CCDC157: variants seen among roughly 807,000 people sequenced by gnomAD.
The protein encoded by CCDC157 is coiled-coil domain-containing protein 157.
In CCDC157, 60 loss-of-function variants were observed where a neutral mutation model predicts 70.9. The observed-to-expected ratio is 0.85, with a 90% CI of 0.69 to 1.05. CCDC157 has a LOEUF of 1.05. Among genes scored for constraint, CCDC157 ranks in the 50% least tolerant of loss-of-function variants. The pLI is 0.00. For synonymous variants in CCDC157, 373 were observed against 422.4 expected (o/e 0.88, Z 1.43); for missense variants, 943 against 984.2 (o/e 0.96, Z 0.56).
intron 3 of CCDC157, chr22:30,367,020 T>A (rs1932764306): frequency 6.7e-6 from 1 of 148,672 alleles, no homozygotes; most frequent in South Asian, 2.2e-4. Context: ...ATCACACCAA[T>A]GCACTCCAGC....
chr22:30,374,732 A>G (rs1389161567), intron 9 of CCDC157: 1 of 456,562 alleles, frequency 2.2e-6, no homozygotes, highest in Non-Finnish European at 4.4e-6. Context: ...TATTTCCCAT[A>G]GCAGGAAACT....
chr22:30,357,508 T>G (rs950697058), intron 1 of CCDC157, among the ~76,000 whole-genome samples: 33 of 151,986 alleles, frequency 2.2e-4, no homozygotes, highest in Admixed American at 1.6e-3. Flanking sequence ...TTGTCTTTCT[T>G]TTTTCTTTTT....
chr22:30,374,174 C>T (rs1342825480), intron 9 of CCDC157, 83 bp downstream of exon 9: 3 of 1,463,256 alleles, frequency 2.1e-6, no homozygotes, highest in Non-Finnish European at 9.2e-7. Context: ...ACACTGGGGA[C>T]TGCAGCTCCC....
At position 30,370,521 on chromosome 22, in the gene CCDC157, A is replaced by AC. The variant is rs1407084919; in HGVS notation, c.618dup (p.Arg207GlnfsTer9). 6.2e-7 allele frequency: 1 copy of AC among 1,613,930 alleles called. No homozygotes were observed. The highest frequency in any genetic ancestry group is 1.7e-5 in the Admixed American group (1 of 60,000). ...GTTCCCAGCCACGACCTTCAAGAAC[A>AC]CCAGGAGTGTCCACTCCCAGACCAT... On this transcript the variant is annotated frameshift_variant, in exon 5 of 12. Coordinates refer to ENST00000338306, the MANE Select transcript of CCDC157 (RefSeq NM_001017437.5). LOFTEE classifies it high-confidence loss of function.
intron 4 of CCDC157, chr22:30,369,851 T>C: frequency 2.2e-6 from 1 of 463,348 alleles, no homozygotes; most frequent in South Asian, 5.1e-5. Context: ...TCTTGCCTAC[T>C]TTGAACCGCA....
At chr22:30,356,911 GCGGCCGCGAAGGTA>G (rs1931909662), upstream of CCDC157, 5 of 908,532 alleles carry the variant, frequency 5.5e-6, no homozygotes, top group South Asian at 2.1e-4. Context: ...CGAGCGAGTT[GCGGCCGCGAAGGTA>G]CGACTGGCGC....
chr22:30,374,031 C>G lies in CCDC157; in HGVS notation c.1612C>G (p.Arg538Gly). Reference protein sequence around the residue: ...LERELEELKERERLLVAFPDL... With the variant: ...LERELEELKEGERLLVAFPDL... ...ACGGGAGCTGGAGGAGCTGAAGGAGCGGGAGCGGCTGCTGGTGGCCTTCCC... is the reference window on the plus strand; with the variant it reads ...ACGGGAGCTGGAGGAGCTGAAGGAGGGGGAGCGGCTGCTGGTGGCCTTCCC... Residue 538 changes from arginine to glycine, a missense_variant, in exon 9 of 12, where the codon CGG becomes GGG. Coordinates refer to ENST00000338306, the MANE Select transcript of CCDC157 (RefSeq NM_001017437.5). 1 of 1,609,610 alleles carries G rather than the reference C, an allele frequency of 6.2e-7. No homozygotes were observed. The highest frequency in any genetic ancestry group is 8.5e-7 in the Non-Finnish European group (1 of 1,178,490).
At chr22:30,375,735 C>T in intron 10 of CCDC157, 72 bp downstream of exon 10, 2 of 1,386,028 alleles carry the variant, frequency 1.4e-6, no homozygotes, top group Non-Finnish European at 9.7e-7. Context: ...TCAGACTCTG[C>T]CCCGGGAACT....
rs1002728301 is a variant in CCDC157, at chr22:30,377,831, C to G, written c.*1086C>G. 3 of 313,356 alleles carry G rather than the reference C, an allele frequency of 9.6e-6. No homozygotes were observed. The highest frequency in any genetic ancestry group is 6.5e-5 in the African/African-American group (3 of 46,114). The allele number at this position is 313,356 out of a possible 1,614,324, so 19.4% of individuals were successfully genotyped here. ...GGAAGGACCTCACAGCTGAGTAGCT[C>G]TCTCAGGCGCCCACCAACTCCGTGC... is the stretch of plus-strand genomic sequence containing the variant. On this transcript the variant is annotated 3_prime_UTR_variant, in exon 12 of 12. Transcript: ENST00000338306.
intron 2 of CCDC157, among the ~76,000 whole-genome samples, chr22:30,362,950 A>G (rs1932454756): frequency 1.3e-5 from 2 of 152,180 alleles, no homozygotes; most frequent in Admixed American, 6.5e-5. Context: ...AGAAGGGGCC[A>G]TGGCCTAAAT....
chr22:30,376,239 CTTTTT>C lies in CCDC157; in HGVS notation c.1858-9_1858-5del. 1.4e-6 allele frequency: 2 copies of C among 1,451,378 alleles called. No individual in the cohort carries two copies. The highest frequency in any genetic ancestry group is 1.9e-6 in the Non-Finnish European group (2 of 1,061,634). The allele number at this position is 1,451,378 out of a possible 1,614,324, so 89.9% of individuals were successfully genotyped here. ...GACTCCTGGGCCCTTATAAGACTGG[CTTTTT>C]TTTTTTTTTTGTAGCTGATCCCGCA... On this transcript the variant is annotated splice_polypyrimidine_tract_variant and intron_variant, in intron 10 of 11. Coordinates refer to ENST00000338306, the MANE Select transcript of CCDC157 (RefSeq NM_001017437.5).
In CCDC157 at chr22:30,376,276, G is replaced by A. The variant is rs1302450061; in HGVS notation, c.1875G>A (p.Arg625=). ...TTTTGTAGCTGATCCCGCAGGACCG[G>A]CTCTGGTCCCCTTCCAGCAAGGGAA... ...QGGLKLIPQD[R]LWSPSSKGTQ... The change falls in exon 11 of 12, where the codon CGG becomes CGA. Residue 625 remains arginine (R), a synonymous_variant. Transcript: ENST00000338306. 6.2e-7 allele frequency: 1 copy of A among 1,602,270 alleles called. No individual in the cohort carries two copies. Among genetic ancestry groups the A allele is most frequent in the Non-Finnish European group, 8.5e-7 (1 of 1,171,964 alleles).
At chr22:30,362,531 T>C (rs569725737) in intron 2 of CCDC157, among the ~76,000 whole-genome samples, 1 of 152,228 alleles carries the variant, frequency 6.6e-6, no homozygotes, top group Non-Finnish European at 1.5e-5. Flanking sequence ...CAGGAAGCGG[T>C]CCAGTCTTAG....
At chr22:30,358,966 A>T (rs779998949) in intron 1 of CCDC157, among the ~76,000 whole-genome samples, 24 of 152,306 alleles carry the variant, frequency 1.6e-4, no homozygotes, top group Non-Finnish European at 2.6e-4. Context: ...ACATAAGGTC[A>T]TCTTGGATTT....
intron 3 of CCDC157, among the ~76,000 whole-genome samples, chr22:30,367,532 CCTGG>C (rs926092519): frequency 3.9e-4 from 60 of 152,166 alleles, no homozygotes; most frequent in Admixed American, 2.0e-3. Flanking sequence ...AGCTACTGCA[CCTGG>C]CTGGTGCGTG....
At chr22:30,358,491 A>G (rs1932100582) in intron 1 of CCDC157, among the ~76,000 whole-genome samples, 1 of 152,174 alleles carries the variant, frequency 6.6e-6, no homozygotes, top group African/African-American at 2.4e-5. Flanking sequence ...GCAATTAACA[A>G]TCTCATGTTT....
chr22:30,370,276 C>A, intron 4 of CCDC157, 50 bp from the exon 5 acceptor site: 1 of 1,590,790 alleles, frequency 6.3e-7, no homozygotes, highest in South Asian at 1.1e-5. Context: ...AGTCACCTCC[C>A]TCTCTACTCT....
chr22:30,375,733 T>C (rs1356676850), intron 10 of CCDC157, 70 bp downstream of exon 10: 3 of 1,405,394 alleles, frequency 2.1e-6, no homozygotes, highest in Admixed American at 5.1e-5. Flanking sequence ...CTTCAGACTC[T>C]GCCCCGGGAA....
At chr22:30,375,930 G>A (rs888730232) in intron 10 of CCDC157, 3 of 545,898 alleles carry the variant, frequency 5.5e-6, no homozygotes, top group Middle Eastern at 4.8e-4. Flanking sequence ...GCTCATGCCT[G>A]TAATCCCAAC....
Sources: gnomAD v4.1 joint callset for allele counts (sites outside exome capture counted in the v4.1 genomes callset) on GRCh38, gnomAD v4.1.1 for gene constraint, MANE v1.5 for transcripts, NCBI Gene and HGNC (gene_info 2026-07-23, HGNC 2026-07-21) for gene names.